The following LARGE1 variants were observed in gnomAD, a reference collection of about 807,000 sequenced individuals.
LARGE1 encodes LARGE xylosyl- and glucuronyltransferase 1.
A neutral mutation model predicts 87.6 loss-of-function variants in LARGE1; 43 were observed. The observed-to-expected ratio is 0.49, with a 90% CI of 0.38 to 0.63. LARGE1 has a LOEUF of 0.63. Among genes scored for constraint, LARGE1 ranks in the 30% least tolerant of loss-of-function variants. The pLI is 0.00. For missense variants in LARGE1, 802 were observed against 1,000.2 expected, an observed-to-expected ratio of 0.80 and a Z score of 2.67; for synonymous variants, 434 against 394.6, an observed-to-expected ratio of 1.10 and a Z score of -1.18.
At chr22:33,315,395 T>C (rs543598779) in intron 11 of LARGE1, among the ~76,000 whole-genome samples, 2 of 152,320 alleles carry the variant, frequency 1.3e-5, no homozygotes, top group South Asian at 4.1e-4. Context: ...AAATGCTTGA[T>C]GGATGTTTGC....
chr22:33,455,089 C>G (rs1057209713), intron 6 of LARGE1, among the ~76,000 whole-genome samples: 1 of 152,238 alleles, frequency 6.6e-6, no homozygotes, highest in Non-Finnish European at 1.5e-5. Context: ...GAAGGTCTGT[C>G]AGTGTGTTTA....
At chr22:33,860,865 C>T (rs10854636) in intron 1 of LARGE1, among the ~76,000 whole-genome samples, 31,840 of 151,972 alleles carry the variant, frequency 0.21, 4,035 homozygotes, top group East Asian at 0.32. Context: ...ACGGGGAACA[C>T]CGTGGGCGCA....
chr22:33,633,178 T>C (rs2080161253), intron 3 of LARGE1, among the ~76,000 whole-genome samples: 1 of 152,064 alleles, frequency 6.6e-6, no homozygotes, highest in Non-Finnish European at 1.5e-5. Flanking sequence ...TTCCCCAAAA[T>C]CAGGTGTGGA....
chr22:33,547,574 T>A (rs763672413), intron 6 of LARGE1, among the ~76,000 whole-genome samples: 1 of 151,658 alleles, frequency 6.6e-6, no homozygotes, highest in Non-Finnish European at 1.5e-5. Context: ...GGCAGGTGGA[T>A]CATGAGGTCA....
chr22:33,596,446 G>A (rs909048862), intron 5 of LARGE1, among the ~76,000 whole-genome samples: 10 of 152,276 alleles, frequency 6.6e-5, no homozygotes, highest in Admixed American at 3.3e-4. Context: ...ACCAGCCTTC[G>A]TATTCAGAAA....
intron 6 of LARGE1, among the ~76,000 whole-genome samples, chr22:33,542,787 C>A (rs375127204): frequency 6.6e-6 from 1 of 152,090 alleles, no homozygotes; most frequent in East Asian, 1.9e-4. Flanking sequence ...ACTAATCATT[C>A]ATGCTTTCTA....
intron 7 of LARGE1, among the ~76,000 whole-genome samples, chr22:33,405,397 T>A (rs1201608287): frequency 6.6e-6 from 1 of 152,176 alleles, no homozygotes. Flanking sequence ...GCCAAGTGTG[T>A]GGCTGGCTTC....
chr22:33,638,264 T>A (rs1327431389), intron 3 of LARGE1, among the ~76,000 whole-genome samples: 2 of 152,198 alleles, frequency 1.3e-5, no homozygotes, highest in African/African-American at 4.8e-5. Context: ...AGAATATAGG[T>A]GAGACGCATC....
intron 9 of LARGE1, among the ~76,000 whole-genome samples, chr22:33,365,808 G>T (rs1309984019): frequency 6.6e-6 from 1 of 152,022 alleles, no homozygotes; most frequent in Non-Finnish European, 1.5e-5. Context: ...GTAGAGATGG[G>T]GTTTCACATG....
chr22:33,445,784 G>A (rs1283728696), intron 6 of LARGE1, among the ~76,000 whole-genome samples: 1 of 151,946 alleles, frequency 6.6e-6, no homozygotes, highest in Non-Finnish European at 1.5e-5. Flanking sequence ...TGAGTAGCTG[G>A]GATTATAGGC....
chr22:33,870,847 C>T (rs1044935883), intron 1 of LARGE1, among the ~76,000 whole-genome samples: 2 of 152,152 alleles, frequency 1.3e-5, no homozygotes, highest in Admixed American at 6.5e-5. Context: ...GGATTACAGG[C>T]GTGAGCCACC....
chr22:33,656,242 C>A (rs1054521744), intron 2 of LARGE1, among the ~76,000 whole-genome samples: 2 of 152,108 alleles, frequency 1.3e-5, no homozygotes, highest in African/African-American at 4.8e-5. Context: ...GGAGGCCTCA[C>A]AATTATGGTG....
At chr22:33,389,575 T>A (rs907657489) in intron 7 of LARGE1, among the ~76,000 whole-genome samples, 1 of 152,236 alleles carries the variant, frequency 6.6e-6, no homozygotes, top group Non-Finnish European at 1.5e-5. Flanking sequence ...CTGGGTGCGG[T>A]GGCTCATGCC....
intron 5 of LARGE1, among the ~76,000 whole-genome samples, chr22:33,576,859 G>A (rs2078369102): frequency 1.3e-5 from 2 of 152,090 alleles, no homozygotes. Flanking sequence ...CTGTTATACA[G>A]TATTGTTTAG....
chr22:33,892,071 AC>A (rs1462446359), intron 1 of LARGE1, among the ~76,000 whole-genome samples: 2 of 152,032 alleles, frequency 1.3e-5, no homozygotes, highest in Non-Finnish European at 1.5e-5. Flanking sequence ...CCTTCTCACC[AC>A]CCTCACAAAA....
At chr22:33,587,169 C>T (rs1040309164) in intron 5 of LARGE1, among the ~76,000 whole-genome samples, 1 of 152,192 alleles carries the variant, frequency 6.6e-6, no homozygotes, top group African/African-American at 2.4e-5. Flanking sequence ...CAACGATGTA[C>T]CATACTTTAC....
chr22:33,569,667 CCT>C (rs1315482259), intron 5 of LARGE1, among the ~76,000 whole-genome samples: 1 of 152,146 alleles, frequency 6.6e-6, no homozygotes, highest in East Asian at 1.9e-4. Context: ...ACATTCTCCC[CCT>C]CTTTCAAGTC....
At chr22:33,375,532 G>A (rs1220771271) in intron 9 of LARGE1, among the ~76,000 whole-genome samples, 2 of 151,942 alleles carry the variant, frequency 1.3e-5, no homozygotes, top group African/African-American at 2.4e-5. Flanking sequence ...GGATACAATG[G>A]CAACAATTGG....
chr22:33,166,737 G>C (rs568384997), exon 12 of LARGE1: 4 of 471,266 alleles, frequency 8.5e-6, no homozygotes, highest in South Asian at 1.5e-5. Flanking sequence ...CCAAGTCCTC[G>C]AGAAGGAAGC....
Sources: gnomAD v4.1 joint callset for allele counts (sites outside exome capture counted in the v4.1 genomes callset) on GRCh38, gnomAD v4.1.1 for gene constraint, MANE v1.5 for transcripts, NCBI Gene and HGNC (gene_info 2026-07-23, HGNC 2026-07-21) for gene names.